The following HSPA12A variants were observed in gnomAD, a reference collection of about 807,000 sequenced individuals.
HSPA12A encodes heat shock protein family A (Hsp70) member 12A, also known as heat shock 70 kDa protein 12A.
HSPA12A carries 28 observed loss-of-function variants against 69.2 expected under a neutral mutation model. The ratio of observed to expected loss-of-function variants is 0.40; its 90% CI spans 0.30 to 0.55. The LOEUF (loss-of-function observed/expected upper bound fraction) is 0.55. Ranked by LOEUF, HSPA12A falls within the 20% of genes least tolerant of loss-of-function variation. The probability of loss-of-function intolerance (pLI) is 0.38; values close to 1 mark genes in which losing one functional copy is unlikely to be tolerated. For missense variants in HSPA12A, 686 were observed against 900.7 expected, an observed-to-expected ratio of 0.76 and a Z score of 3.05; for synonymous variants, 345 against 370.5, an observed-to-expected ratio of 0.93 and a Z score of 0.79.
At chr10:116,680,674 C>A (rs781906887) in intron 9 of HSPA12A, among the ~76,000 whole-genome samples, 2 of 152,068 alleles carry the variant, frequency 1.3e-5, no homozygotes, top group African/African-American at 4.8e-5. Context: ...TTAGTAGAGA[C>A]AGGGTTTCAT....
At chr10:116,818,043 T>C (rs962497943) in intron 2 of HSPA12A, among the ~76,000 whole-genome samples, 1 of 152,230 alleles carries the variant, frequency 6.6e-6, no homozygotes, top group Non-Finnish European at 1.5e-5. Flanking sequence ...GTTTCTCACC[T>C]GGGCAACTGC....
At chr10:116,741,715 G>C (rs1406478806) in intron 1 of HSPA12A, among the ~76,000 whole-genome samples, 1 of 152,120 alleles carries the variant, frequency 6.6e-6, no homozygotes, top group African/African-American at 2.4e-5. Context: ...GCTCCCCAAA[G>C]AAAGCGGCCC....
intron 2 of HSPA12A, among the ~76,000 whole-genome samples, chr10:116,795,683 C>CAAAA (rs146305919): frequency 5.7e-5 from 7 of 122,650 alleles, no homozygotes; most frequent in East Asian, 2.3e-4. Context: ...GATTCTGTCT[C>CAAAA]AAAAAAAAAA....
chr10:116,787,522 A>G (rs1461957854), intron 2 of HSPA12A, among the ~76,000 whole-genome samples: 1 of 151,794 alleles, frequency 6.6e-6, no homozygotes, highest in African/African-American at 2.4e-5. Context: ...CTAAATGCAA[A>G]CGAGAAACTG....
At chr10:116,831,252 C>A (rs1315009533) in intron 2 of HSPA12A, 1 of 152,092 alleles carries the variant, frequency 6.6e-6, no homozygotes, top group Non-Finnish European at 1.5e-5. Context: ...CAGTGGGGGA[C>A]ACAAAAGAGA....
At chr10:116,838,414 A>G (rs1277928080) in intron 1 of HSPA12A, among the ~76,000 whole-genome samples, 2 of 151,512 alleles carry the variant, frequency 1.3e-5, no homozygotes, top group African/African-American at 4.9e-5. Context: ...CCGTTTCACC[A>G]TATTTCTGGA....
At chr10:116,840,270 TATTA>T (rs1845783277) in intron 1 of HSPA12A, among the ~76,000 whole-genome samples, 1 of 152,220 alleles carries the variant, frequency 6.6e-6, no homozygotes, top group South Asian at 2.1e-4. Flanking sequence ...TTCTTGCAAA[TATTA>T]ATTTCTTGGT....
chr10:116,787,813 TAAG>T (rs1844610543), intron 2 of HSPA12A, among the ~76,000 whole-genome samples: 1 of 152,116 alleles, frequency 6.6e-6, no homozygotes, highest in Non-Finnish European at 1.5e-5. Context: ...GCACAAGGAC[TAAG>T]AAGTGGAGTG....
intron 5 of HSPA12A, among the ~76,000 whole-genome samples, chr10:116,697,381 C>T (rs1426776810): frequency 1.3e-5 from 2 of 151,118 alleles, no homozygotes; most frequent in Non-Finnish European, 2.9e-5. Context: ...CCACCATGAC[C>T]ACAGACCTTT....
chr10:116,683,803 C>A lies in HSPA12A; in HGVS notation c.823G>T (p.Gly275Trp). 6.4e-7 allele frequency: 1 copy of A among 1,562,052 alleles called. No individual in the cohort carries two copies. The highest frequency in any genetic ancestry group is 8.8e-7 in the Non-Finnish European group (1 of 1,140,896). Residue 275 changes from glycine to tryptophan, a missense_variant, in exon 7 of 12, where the codon GGG (glycine) becomes TGG (tryptophan). Gly to Trp is a radical substitution (Grantham distance 184). Transcript: ENST00000369209. ...GYSGSDTVGA[G>W]FTQAKEHIRR... Reference sequence around the variant, plus strand: ...AGAGCAGAGGTACCCTGTGTAAACCCAGCTCCTACTGTGTCACTGCCGCTG... The same window carrying A: ...AGAGCAGAGGTACCCTGTGTAAACCAAGCTCCTACTGTGTCACTGCCGCTG...
At chr10:116,734,355 C>T (rs1446768526) in intron 1 of HSPA12A, among the ~76,000 whole-genome samples, 2 of 150,434 alleles carry the variant, frequency 1.3e-5, no homozygotes, top group Non-Finnish European at 1.5e-5. Flanking sequence ...GAAGCTGAGG[C>T]AGAAGAATCA....
chr10:116,791,486 A>G (rs1280583998), intron 2 of HSPA12A, among the ~76,000 whole-genome samples: 1 of 152,214 alleles, frequency 6.6e-6, no homozygotes, highest in Non-Finnish European at 1.5e-5. Flanking sequence ...TAAAGCAGCC[A>G]ATTAGTGCAA....
chr10:116,744,499 T>C (rs1185881021), upstream of HSPA12A, among the ~76,000 whole-genome samples: 1 of 152,192 alleles, frequency 6.6e-6, no homozygotes, highest in African/African-American at 2.4e-5. Context: ...CCACGTGCCC[T>C]CATGGGACTC....
At chr10:116,676,539 G>C in intron 10 of HSPA12A, 37 bp from the exon 11 acceptor site, 1 of 1,494,982 alleles carries the variant, frequency 6.7e-7, no homozygotes, top group Non-Finnish European at 9.3e-7. Context: ...CAGGCAGTGA[G>C]GGTCTACACG....
intron 1 of HSPA12A, among the ~76,000 whole-genome samples, chr10:116,708,610 C>G (rs1357016334): frequency 2.0e-5 from 3 of 152,186 alleles, no homozygotes; most frequent in African/African-American, 7.2e-5. Context: ...ACAGCCACCT[C>G]CCACTCTCTG....
intron 3 of HSPA12A, among the ~76,000 whole-genome samples, chr10:116,702,577 C>G (rs1589643274): frequency 6.6e-6 from 1 of 152,242 alleles, no homozygotes; most frequent in Middle Eastern, 3.4e-3. Context: ...AGCCAAAGTC[C>G]CCGAGGTGAC....
intron 2 of HSPA12A, among the ~76,000 whole-genome samples, chr10:116,827,266 A>G (rs1347867192): frequency 6.6e-6 from 1 of 152,166 alleles, no homozygotes; most frequent in Non-Finnish European, 1.5e-5. Flanking sequence ...TCCCCCACCA[A>G]TGGAGAGGTC....
In HSPA12A at chr10:116,674,791, A is replaced by G; in HGVS notation, c.2018T>C (p.Leu673Ser). The stretch of plus-strand genomic sequence containing the variant: ...AGCGGGGCGGGAGGGTTAGTAATTT[A>G]AGAAGTCGATCCCAACTTTGACACT... ...SKSVKVGIDF[L>S]NY Residue 673 changes from leucine to serine, a missense_variant, in exon 12 of 12, where the codon TTA becomes TCA. Coordinates refer to ENST00000369209, the MANE Select transcript of HSPA12A (RefSeq NM_025015.3). The G allele has an allele frequency of 6.2e-7, 1 of 1,605,072 alleles. No individual in the cohort carries two copies. Among genetic ancestry groups the G allele is most frequent in the Non-Finnish European group, 8.5e-7 (1 of 1,174,790 alleles).
chr10:116,704,039 T>C (rs1352130144), intron 3 of HSPA12A, among the ~76,000 whole-genome samples: 1 of 152,348 alleles, frequency 6.6e-6, no homozygotes, highest in East Asian at 1.9e-4. Context: ...TCAACCATTG[T>C]GGAAGTCAGT....
Sources: allele counts gnomAD v4.1 joint callset (sites outside exome capture counted in the v4.1 genomes callset), GRCh38; gene constraint gnomAD v4.1.1; transcripts MANE v1.5; gene names NCBI Gene and HGNC (gene_info 2026-07-23, HGNC 2026-07-21).